Variants in MYO5B observed in about 807,000 individuals in gnomAD.
MYO5B encodes myosin VB, also known as unconventional myosin-Vb.
A neutral mutation model predicts 229.3 loss-of-function variants in MYO5B; 143 were observed. The ratio of observed to expected loss-of-function variants is 0.62; its 90% CI spans 0.54 to 0.72. The LOEUF is 0.72. Among genes scored for constraint, MYO5B ranks in the 30% least tolerant of loss-of-function variants. The pLI is 0.00. For synonymous variants in MYO5B, 918 were observed against 885.2 expected (o/e 1.04, Z -0.66); for missense variants, 2,321 against 2,331.0 (o/e 1.00, Z 0.09).
intron 1 of MYO5B, among the ~76,000 whole-genome samples, chr18:50,151,439 G>A (rs1343765663): frequency 1.3e-5 from 2 of 152,246 alleles, no homozygotes; most frequent in Non-Finnish European, 1.5e-5. Context: ...TAAATTTGAA[G>A]GATCATGATA....
At chr18:49,845,556 T>C (rs2024114672) in intron 33 of MYO5B, among the ~76,000 whole-genome samples, 1 of 152,222 alleles carries the variant, frequency 6.6e-6, no homozygotes, top group African/African-American at 2.4e-5. Context: ...GTTTTGCAGT[T>C]TTAACACAGC....
chr18:49,872,254 G>C lies in MYO5B; in HGVS notation c.3538-22C>G, dbSNP rs765460166. ...CCGCCTGCATGGATAGAGACACAAA[G>C]ATAAGTGCAGACCTCGAGCAAGATA... is the stretch of plus-strand genomic sequence containing the variant. On this transcript the variant is annotated intron_variant, in intron 26 of 39. Transcript: ENST00000285039. 3 of 1,612,156 alleles carry C rather than the reference G, an allele frequency of 1.9e-6. No individual in the cohort carries two copies. In the African/African-American group the frequency reaches 4.0e-5, roughly 22 times the overall value.
chr18:49,936,241 C>T lies in MYO5B; in HGVS notation c.2003+11G>A. ...CTGGGCTGGACAGGCTAATGCCCAG[C>T]AGGCACTTACTGAAAGGGGAGCTTC... is the stretch of plus-strand genomic sequence containing the variant. On this transcript the variant is annotated intron_variant, in intron 16 of 39. Coordinates refer to ENST00000285039, the MANE Select transcript of MYO5B (RefSeq NM_001080467.3). 6.3e-7 allele frequency: 1 copy of T among 1,579,332 alleles called. No individual in the cohort carries two copies. Among genetic ancestry groups the T allele is most frequent in the Non-Finnish European group, 8.6e-7 (1 of 1,159,680 alleles).
At chr18:50,074,940 C>G (rs1368361565) in intron 1 of MYO5B, among the ~76,000 whole-genome samples, 1 of 151,998 alleles carries the variant, frequency 6.6e-6, no homozygotes, top group Non-Finnish European at 1.5e-5. Context: ...CCTGCCTCAG[C>G]CTCCCGAGTA....
chr18:49,826,729 G>C (rs921450204), intron 39 of MYO5B, 106 bp from the exon 40 acceptor site: 1 of 1,323,876 alleles, frequency 7.6e-7, no homozygotes, highest in Non-Finnish European at 1.1e-6. Context: ...AGATTTCTAC[G>C]ACAATTAGGT....
intron 10 of MYO5B, among the ~76,000 whole-genome samples, chr18:49,964,399 A>G (rs2025598564): frequency 6.6e-6 from 1 of 151,922 alleles, no homozygotes; most frequent in Non-Finnish European, 1.5e-5. Flanking sequence ...TGGGTGATGC[A>G]TTTTTGATAG....
intron 14 of MYO5B, among the ~76,000 whole-genome samples, chr18:49,937,792 G>C (rs80291672): frequency 0.046 from 6,920 of 151,646 alleles, 232 homozygotes; most frequent in Non-Finnish European, 0.07. Flanking sequence ...TAGAAAGTAG[G>C]TTATTGGTTG....
intron 9 of MYO5B, among the ~76,000 whole-genome samples, 183 bp from the exon 10 acceptor site, chr18:49,974,798 G>GACACACAGACAC: frequency 7.6e-6 from 1 of 131,096 alleles, no homozygotes; most frequent in South Asian, 2.8e-4. Context: ...CACACACACA[G>GACACACAGACAC]ACACACACAC....
intron 4 of MYO5B, among the ~76,000 whole-genome samples, chr18:50,017,317 G>T (rs907197077): frequency 1.2e-4 from 18 of 152,028 alleles, no homozygotes; most frequent in African/African-American, 4.3e-4. Context: ...TAGAGACGGG[G>T]TTTCACCATG....
At chr18:49,981,252 A>C (rs1296916767) in intron 8 of MYO5B, among the ~76,000 whole-genome samples, 1 of 152,276 alleles carries the variant, frequency 6.6e-6, no homozygotes, top group Non-Finnish European at 1.5e-5. Context: ...TTACAGAATG[A>C]TTCAGACTCA....
chr18:50,114,927 A>G (rs535936155), intron 1 of MYO5B, among the ~76,000 whole-genome samples: 1 of 152,350 alleles, frequency 6.6e-6, no homozygotes, highest in East Asian at 1.9e-4. Flanking sequence ...CCACATGGCA[A>G]CTTGCCTCCT....
intron 31 of MYO5B, 106 bp from the exon 32 acceptor site, chr18:49,849,766 CCGTCAGA>C: frequency 1.2e-6 from 1 of 854,204 alleles, no homozygotes; most frequent in Non-Finnish European, 2.0e-6. Context: ...CCATGGGCAG[CCGTCAGA>C]AATGCGCCAG....
At chr18:49,859,988 GGGC>G (rs1303009384) in intron 29 of MYO5B, among the ~76,000 whole-genome samples, 1 of 152,058 alleles carries the variant, frequency 6.6e-6, no homozygotes, top group Non-Finnish European at 1.5e-5. Context: ...TATTGGCGGG[GGGC>G]GGCGGGTGTG....
intron 24 of MYO5B, 138 bp downstream of exon 24, chr18:49,878,807 G>A: frequency 9.5e-7 from 1 of 1,057,740 alleles, no homozygotes; most frequent in Middle Eastern, 2.9e-4. Context: ...TTGCCTCTCT[G>A]CAGTAATGGC....
At chr18:49,956,293 G>A (rs1221912954) in intron 12 of MYO5B, among the ~76,000 whole-genome samples, 1 of 152,180 alleles carries the variant, frequency 6.6e-6, no homozygotes, top group Admixed American at 6.5e-5. Context: ...ATACAATCAT[G>A]TCAGCTAGGT....
At chr18:49,873,440 G>C (rs2024479450) in intron 26 of MYO5B, among the ~76,000 whole-genome samples, 1 of 152,182 alleles carries the variant, frequency 6.6e-6, no homozygotes, top group South Asian at 2.1e-4. Context: ...AGCATCTCCT[G>C]TACTCCTCCC....
intron 25 of MYO5B, chr18:49,876,203 T>C (rs2024520583): frequency 5.9e-6 from 2 of 339,134 alleles, no homozygotes; most frequent in African/African-American, 2.1e-5. Flanking sequence ...ACTTGGGACA[T>C]AGCACTTCCT....
chr18:50,058,388 G>A (rs1466746752), intron 1 of MYO5B, among the ~76,000 whole-genome samples: 1 of 152,118 alleles, frequency 6.6e-6, no homozygotes, highest in African/African-American at 2.4e-5. Flanking sequence ...GAGGGTCCCT[G>A]GAGCCCAGAA....
chr18:49,877,768 C>T lies in MYO5B; in HGVS notation c.3391G>A (p.Val1131Met). Residue 1131 changes from valine to methionine, a missense_variant, in exon 25 of 40, where the codon GTG becomes ATG. By Grantham distance (21) the Val-to-Met change is conservative (BLOSUM62 1). This residue lies in a region of MYO5B where 2,113 missense variants were observed against 2,044.7 expected (regional missense o/e 1.03). Coordinates refer to ENST00000285039, the MANE Select transcript of MYO5B (RefSeq NM_001080467.3). The part of the protein sequence containing the change: ...IGDTEDALQQ[V>M]EEIGLEKAAM... ...CAAGAGCCTGCATCACTCACCTCCA[C>T]CTGCTGGAGGGCATCCTCAGTGTCT... 3 of 1,614,092 alleles carry T rather than the reference C, an allele frequency of 1.9e-6. No individual in the cohort carries two copies. The highest frequency in any genetic ancestry group is 2.5e-6 in the Non-Finnish European group (3 of 1,179,954).
Sources: allele counts gnomAD v4.1 joint callset (sites outside exome capture counted in the v4.1 genomes callset), GRCh38; gene constraint gnomAD v4.1.1; regional missense constraint gnomAD v4.1.1; transcripts MANE v1.5; gene names NCBI Gene and HGNC (gene_info 2026-07-23, HGNC 2026-07-21).